SGMS2: variants seen among roughly 807,000 people sequenced by gnomAD.
SGMS2 encodes the protein sphingomyelin synthase 2.
Under a neutral mutation model 43.8 loss-of-function variants are expected in SGMS2, and 21 were observed. The ratio of observed to expected loss-of-function variants is 0.48; its 90% CI spans 0.34 to 0.69. The LOEUF (loss-of-function observed/expected upper bound fraction) is 0.69, where lower values mean the gene tolerates loss of function less well. Ranked by LOEUF, SGMS2 falls within the 30% of genes least tolerant of loss-of-function variation. The pLI, the probability that SGMS2 is intolerant of heterozygous loss-of-function variation, is 0.01. For synonymous variants in SGMS2, 167 were observed against 160.6 expected (o/e 1.04, Z -0.30); for missense variants, 384 against 443.2 (o/e 0.87, Z 1.20).
intron 2 of SGMS2, among the ~76,000 whole-genome samples, chr4:107,862,444 AC>A (rs1727789717): frequency 6.6e-6 from 1 of 152,228 alleles, no homozygotes; most frequent in African/African-American, 2.4e-5. Flanking sequence ...ATGTGAAAGA[AC>A]TAATTCTTTT....
chr4:107,908,857 C>A, intron 6 of SGMS2, 126 bp downstream of exon 6: 1 of 726,920 alleles, frequency 1.4e-6, no homozygotes, highest in Non-Finnish European at 2.2e-6. Flanking sequence ...AAACATATAT[C>A]CATTACTGCT....
chr4:107,877,301 A>G (rs1006644385), intron 2 of SGMS2, among the ~76,000 whole-genome samples: 1 of 152,182 alleles, frequency 6.6e-6, no homozygotes, highest in African/African-American at 2.4e-5. Context: ...AAATGACTAA[A>G]TGGGATGTTT....
intron 2 of SGMS2, among the ~76,000 whole-genome samples, chr4:107,888,062 C>G (rs1729894895): frequency 6.6e-6 from 1 of 152,060 alleles, no homozygotes. Flanking sequence ...AAATCAGTTC[C>G]TACAGTCTCA....
Position 107,899,680 on chromosome 4 carries a change from G to C in SGMS2, c.561G>C (p.Gln187His). The C allele has an allele frequency of 6.2e-7, 1 of 1,611,740 alleles. No homozygotes were observed. Among genetic ancestry groups the C allele is most frequent in the South Asian group, 1.1e-5 (1 of 90,622 alleles). ...TTLPVPGMHF[Q>H]CAPKLNGDSQ... Reference sequence around the variant, plus strand: ...TACCTGTGCCTGGAATGCATTTCCAGTGTGCTCCAAAGGTCAGTACCTCCA... The same window carrying C: ...TACCTGTGCCTGGAATGCATTTCCACTGTGCTCCAAAGGTCAGTACCTCCA... Residue 187 changes from glutamine to histidine, a missense_variant, in exon 4 of 7, where the codon CAG becomes CAC. Transcript: ENST00000690982.
intron 1 of SGMS2, among the ~76,000 whole-genome samples, chr4:107,837,009 A>G (rs578004806): frequency 2.0e-5 from 3 of 152,338 alleles, no homozygotes; most frequent in South Asian, 2.1e-4. Flanking sequence ...CTTGGATTTC[A>G]TAAATATATT....
chr4:107,867,050 A>AT (rs1398201719), intron 2 of SGMS2: 1 of 152,070 alleles, frequency 6.6e-6, no homozygotes, highest in African/African-American at 2.4e-5. Context: ...TTCAGATGAG[A>AT]TTTTGGGTAA....
At chr4:107,901,819 A>G (rs1410281001) in intron 4 of SGMS2, among the ~76,000 whole-genome samples, 1 of 152,066 alleles carries the variant, frequency 6.6e-6, no homozygotes. Context: ...TGGCTGGGAG[A>G]GCAACATTCC....
intron 2 of SGMS2, among the ~76,000 whole-genome samples, chr4:107,876,241 A>G (rs1560653170): frequency 6.6e-6 from 1 of 152,196 alleles, no homozygotes; most frequent in African/African-American, 2.4e-5. Context: ...CAAGGAAATG[A>G]TATTGAAGTG....
At position 107,908,585 on chromosome 4, in the gene SGMS2, T is replaced by G. The variant is rs1731813111; in HGVS notation, c.748T>G (p.Trp250Gly). Residue 250 changes from tryptophan to glycine, a missense_variant, in exon 6 of 7, where the codon TGG becomes GGG. By Grantham distance (184) the Trp-to-Gly change is radical. Coordinates refer to ENST00000690982, the MANE Select transcript of SGMS2 (RefSeq NM_001375905.1). ...TCCAGATTCGCCTCGTCACTTCTGG[T>G]GGTATCATTTAATCTGCTGGCTGCT... is the stretch of plus-strand genomic sequence containing the variant. ...IKEYSPRHFW[W>G]YHLICWLLSA... 6.2e-7 allele frequency: 1 copy of G among 1,613,578 alleles called. No individual in the cohort carries two copies. The highest frequency in any genetic ancestry group is 1.1e-5 in the South Asian group (1 of 91,006).
In SGMS2 at chr4:107,899,576, T is replaced by G. The variant is rs1222863693; in HGVS notation, c.457T>G (p.Ser153Ala). 1 of 1,605,230 alleles carries G rather than the reference T, an allele frequency of 6.2e-7. No individual in the cohort carries two copies. The highest frequency in any genetic ancestry group is 1.3e-5 in the African/African-American group (1 of 74,448). Residue 153 changes from serine (S) to alanine (A), a missense_variant and splice_region_variant, in exon 4 of 7, where the codon TCA becomes GCA. Physicochemically the swap from Ser to Ala is moderately conservative, Grantham distance 99. Transcript: ENST00000690982. The part of the protein sequence containing the change: ...ITQWLFLRYK[S>A]IVGRRFCFII... ...CCCCATCCCTATTTTTTCTTTTAGGTCAATAGTGGGACGCAGATTCTGTTT... is the reference window on the plus strand; with the variant it reads ...CCCCATCCCTATTTTTTCTTTTAGGGCAATAGTGGGACGCAGATTCTGTTT...
At chr4:107,825,911 C>G (rs112831077) in intron 1 of SGMS2, among the ~76,000 whole-genome samples, 1,555 of 152,236 alleles carry the variant, frequency 0.01, 18 homozygotes, top group Non-Finnish European at 0.015. Context: ...TATTTCAAGT[C>G]TTGCCTGCTC....
intron 2 of SGMS2, among the ~76,000 whole-genome samples, chr4:107,859,870 A>T (rs2126030068): frequency 6.6e-6 from 1 of 152,256 alleles, no homozygotes; most frequent in Admixed American, 6.5e-5. Context: ...TAATTTAATC[A>T]CTGCAGAATT....
At chr4:107,868,307 C>G (rs190782439) in intron 2 of SGMS2, among the ~76,000 whole-genome samples, 1 of 152,282 alleles carries the variant, frequency 6.6e-6, no homozygotes, top group East Asian at 1.9e-4. Context: ...GACAGTTGAT[C>G]TTCAAATTAA....
intron 2 of SGMS2, among the ~76,000 whole-genome samples, chr4:107,879,493 A>T (rs1578593807): frequency 6.7e-6 from 1 of 148,884 alleles, no homozygotes; most frequent in East Asian, 2.0e-4. Flanking sequence ...ACCGAGTCTC[A>T]CTCTGTTGCC....
At chr4:107,876,517 G>T (rs1419617140) in intron 2 of SGMS2, among the ~76,000 whole-genome samples, 1 of 152,134 alleles carries the variant, frequency 6.6e-6, no homozygotes, top group Non-Finnish European at 1.5e-5. Flanking sequence ...AATGTTTCAA[G>T]AAGTCATTTT....
chr4:107,848,544 G>T (rs914088926), intron 1 of SGMS2, among the ~76,000 whole-genome samples: 13 of 152,182 alleles, frequency 8.5e-5, no homozygotes, highest in Admixed American at 2.6e-4. Context: ...AGCAATGAAT[G>T]AGAGTTCCTG....
At chr4:107,900,933 G>A (rs1045225278) in intron 4 of SGMS2, among the ~76,000 whole-genome samples, 6 of 152,298 alleles carry the variant, frequency 3.9e-5, no homozygotes, top group South Asian at 2.1e-4. Flanking sequence ...AATTTAAGGC[G>A]TGGGAGAAGT....
intron 5 of SGMS2, among the ~76,000 whole-genome samples, chr4:107,904,991 G>A (rs1262123967): frequency 4.6e-5 from 7 of 152,112 alleles, no homozygotes; most frequent in African/African-American, 1.7e-4. Flanking sequence ...GGGAAGAGGT[G>A]CATTTCAGAG....
At chr4:107,846,115 T>A (rs538328799) in intron 1 of SGMS2, among the ~76,000 whole-genome samples, 180 of 152,242 alleles carry the variant, frequency 1.2e-3, no homozygotes, top group African/African-American at 3.7e-3. Context: ...TGTTTTTTTT[T>A]ATTATTATAA....
Sources: gnomAD v4.1 joint callset for allele counts (sites outside exome capture counted in the v4.1 genomes callset) on GRCh38, gnomAD v4.1.1 for gene constraint, MANE v1.5 for transcripts, NCBI Gene and HGNC (gene_info 2026-07-23, HGNC 2026-07-21) for gene names.